CFTR: variants seen among roughly 807,000 people sequenced by gnomAD.
CFTR encodes cystic fibrosis transmembrane conductance regulator.
In CFTR, 181 loss-of-function variants were observed where a neutral mutation model predicts 171.6. That is an observed-to-expected ratio of 1.05 (90% CI 0.93 to 1.19). CFTR has a LOEUF of 1.19. Among genes scored for constraint, CFTR ranks in the 50% most tolerant of loss-of-function variants. The probability of loss-of-function intolerance (pLI) is 0.00; values close to 1 mark genes in which losing one functional copy is unlikely to be tolerated. For missense variants in CFTR, 1,968 were observed against 1,734.7 expected, an observed-to-expected ratio of 1.13 and a Z score of -2.39; for synonymous variants, 583 against 608.0, an observed-to-expected ratio of 0.96 and a Z score of 0.60.
chr7:117,591,971 T>C lies in CFTR; in HGVS notation c.1804T>C (p.Leu602=), dbSNP rs1380798382. Residue 602 remains leucine (L), a synonymous_variant, in exon 14 of 27, where the codon TTG becomes CTG. Coordinates refer to ENST00000003084, the MANE Select transcript of CFTR (RefSeq NM_000492.4). ...ACTGATGGCTAACAAAACTAGGATT[T>C]TGGTCACTTCTAAAATGGAACATTT... is the stretch of plus-strand genomic sequence containing the variant. ...CKLMANKTRI[L]VTSKMEHLKK... The C allele has an allele frequency of 6.3e-7, 1 of 1,595,946 alleles. No individual in the cohort carries two copies. The highest frequency in any genetic ancestry group is 8.5e-7 in the Non-Finnish European group (1 of 1,174,802).
rs994090172 is a variant in CFTR, at chr7:117,535,371, C to G, written c.703C>G (p.Leu235Val). 6.2e-7 allele frequency: 1 copy of G among 1,613,986 alleles called. No individual in the cohort carries two copies. ...CGLGFLIVLALFQAGLGRMMM... is the reference protein window; with the variant it reads ...CGLGFLIVLAVFQAGLGRMMM... ...ACTTGGTTTCCTGATAGTCCTTGCC[C>G]TTTTTCAGGCTGGGCTAGGGAGAAT... The change falls in exon 6 of 27, where the codon CTT becomes GTT. Residue 235 changes from leucine (L) to valine (V), a missense_variant. Physicochemically the swap from Leu to Val is conservative, Grantham distance 32. Coordinates refer to ENST00000003084, the MANE Select transcript of CFTR (RefSeq NM_000492.4).
intron 21 of CFTR, among the ~76,000 whole-genome samples, chr7:117,617,036 G>T (rs1792501859): frequency 6.6e-6 from 1 of 152,072 alleles, no homozygotes; most frequent in Non-Finnish European, 1.5e-5. Context: ...AATCCTAAAG[G>T]TCCTTGTGAC....
chr7:117,526,368 T>G (rs1207745065), intron 3 of CFTR, among the ~76,000 whole-genome samples: 3 of 114,468 alleles, frequency 2.6e-5, no homozygotes, highest in Non-Finnish European at 5.2e-5. Flanking sequence ...AAGCAGTGTG[T>G]AGAGGGAAAT....
intron 1 of CFTR, among the ~76,000 whole-genome samples, chr7:117,486,670 T>A (rs886924399): frequency 2.6e-5 from 4 of 151,208 alleles, no homozygotes; most frequent in Non-Finnish European, 5.9e-5. Flanking sequence ...GTGACAGAGA[T>A]TTGTGGGAGA....
At chr7:117,523,622 C>T (rs530631996) in intron 3 of CFTR, among the ~76,000 whole-genome samples, 9 of 152,274 alleles carry the variant, frequency 5.9e-5, no homozygotes, top group African/African-American at 1.9e-4. Context: ...TGTGATCCTC[C>T]TGCCTCGGCC....
At chr7:117,598,975 T>C (rs1301645676) in intron 15 of CFTR, among the ~76,000 whole-genome samples, 2 of 152,192 alleles carry the variant, frequency 1.3e-5, no homozygotes, top group Non-Finnish European at 2.9e-5. Context: ...CTCATTATTA[T>C]AAAACTTGAG....
chr7:117,629,512 A>G (rs1792706002), intron 22 of CFTR, among the ~76,000 whole-genome samples: 1 of 152,216 alleles, frequency 6.6e-6, no homozygotes, highest in African/African-American at 2.4e-5. Flanking sequence ...AGGTGGGGAC[A>G]AGGAGACAGA....
intron 21 of CFTR, among the ~76,000 whole-genome samples, chr7:117,621,096 A>G (rs10266649): frequency 0.015 from 2,306 of 152,248 alleles, 43 homozygotes; most frequent in African/African-American, 0.035. Flanking sequence ...GTGAGACTCC[A>G]TCACAAACAA....
At chr7:117,488,078 C>G (rs1014044785) in intron 1 of CFTR, 2 of 152,034 alleles carry the variant, frequency 1.3e-5, no homozygotes, top group African/African-American at 4.8e-5. Context: ...CTTTTTCGAC[C>G]AAAGACCATT....
At chr7:117,634,759 T>C (rs1792800472) in intron 22 of CFTR, among the ~76,000 whole-genome samples, 1 of 152,128 alleles carries the variant, frequency 6.6e-6, no homozygotes, top group African/African-American at 2.4e-5. Flanking sequence ...AAAAATTTTC[T>C]AGCTATCTTT....
chr7:117,613,988 G>A (rs1792443411), intron 20 of CFTR, among the ~76,000 whole-genome samples: 1 of 147,528 alleles, frequency 6.8e-6, no homozygotes, highest in African/African-American at 2.5e-5. Flanking sequence ...GTTCTTCCCA[G>A]GTACAGTAAT....
intron 3 of CFTR, 23 bp downstream of exon 3, chr7:117,509,165 C>A (rs368128542): frequency 3.3e-6 from 4 of 1,214,460 alleles, no homozygotes; most frequent in Non-Finnish European, 4.9e-6. Context: ...TTTGTACATT[C>A]ATTATGTATC....
At chr7:117,546,175 G>A (rs1477927719) in intron 9 of CFTR, among the ~76,000 whole-genome samples, 1 of 151,944 alleles carries the variant, frequency 6.6e-6, no homozygotes, top group Non-Finnish European at 1.5e-5. Context: ...TGTATTTTTA[G>A]TAGAGACGGG....
chr7:117,654,192 A>G (rs1793129849), intron 24 of CFTR, among the ~76,000 whole-genome samples: 1 of 152,066 alleles, frequency 6.6e-6, no homozygotes, highest in South Asian at 2.1e-4. Flanking sequence ...TGGTGGTTCT[A>G]CTGGTCTGGG....
chr7:117,502,455 CACTT>C (rs1305758150), intron 1 of CFTR, among the ~76,000 whole-genome samples: 2 of 152,192 alleles, frequency 1.3e-5, no homozygotes, highest in Non-Finnish European at 2.9e-5. Context: ...TAGTAGTAAA[CACTT>C]ACTTCACCTT....
intron 4 of CFTR, among the ~76,000 whole-genome samples, chr7:117,533,749 G>A (rs913496631): frequency 1.3e-5 from 2 of 151,894 alleles, no homozygotes; most frequent in African/African-American, 4.8e-5. Context: ...GCTTAACTAC[G>A]TTTCATATAG....
At chr7:117,562,464 TGTG>T (rs1791525142) in intron 11 of CFTR, among the ~76,000 whole-genome samples, 1 of 152,182 alleles carries the variant, frequency 6.6e-6, no homozygotes, top group Non-Finnish European at 1.5e-5. Flanking sequence ...TGGTATATCG[TGTG>T]GAAGAAAACA....
At chr7:117,641,553 G>A (rs531271461) in intron 22 of CFTR, among the ~76,000 whole-genome samples, 1 of 152,232 alleles carries the variant, frequency 6.6e-6, no homozygotes, top group Admixed American at 6.5e-5. Flanking sequence ...TTTATTCAGT[G>A]CCACTAACTG....
At chr7:117,587,331 C>T (rs1258345169) in intron 11 of CFTR, among the ~76,000 whole-genome samples, 1 of 152,026 alleles carries the variant, frequency 6.6e-6, no homozygotes, top group Non-Finnish European at 1.5e-5. Flanking sequence ...GAGGTTTGTT[C>T]ATTTTGGGAG....
Sources: allele counts gnomAD v4.1 joint callset (sites outside exome capture counted in the v4.1 genomes callset), GRCh38; gene constraint gnomAD v4.1.1; transcripts MANE v1.5; gene names NCBI Gene and HGNC (gene_info 2026-07-23, HGNC 2026-07-21).